The following PRKCE variants were observed in gnomAD, a reference collection of about 807,000 sequenced individuals.
PRKCE encodes the protein protein kinase C epsilon type.
A neutral mutation model predicts 85.4 loss-of-function variants in PRKCE; 16 were observed. That is an observed-to-expected ratio of 0.19 (90% CI 0.13 to 0.28). The LOEUF (loss-of-function observed/expected upper bound fraction) is 0.28, where lower values mean the gene tolerates loss of function less well. Among genes scored for constraint, PRKCE ranks in the 10% least tolerant of loss-of-function variants. The pLI is 1.00. For missense variants in PRKCE, 573 were observed against 975.2 expected (o/e 0.59, Z 5.49); for synonymous variants, 388 against 371.5 (o/e 1.04, Z -0.51).
intron 2 of PRKCE, among the ~76,000 whole-genome samples, chr2:45,958,259 C>G (rs1201536879): frequency 1.3e-5 from 2 of 150,662 alleles, no homozygotes; most frequent in East Asian, 3.9e-4. Flanking sequence ...CCTGTAATCC[C>G]AGCACTTTGG....
intron 1 of PRKCE, among the ~76,000 whole-genome samples, chr2:45,751,033 T>C (rs1396708415): frequency 6.6e-6 from 1 of 152,162 alleles, no homozygotes; most frequent in East Asian, 1.9e-4. Context: ...TCCCATCCTA[T>C]TCCCCAGGAA....
In PRKCE at chr2:46,068,448, C is replaced by T. The variant is rs1163827897; in HGVS notation, c.1438-17760C>T. Among the ~76,000 whole-genome samples, 2 of 152,104 alleles carry T rather than the reference C, an allele frequency of 1.3e-5. No homozygotes were observed. ...TAATTGATATATCTAATTAATCAGT[C>T]ATTATTTATTGGTGTACCATTAGGT... On this transcript the variant is annotated intron_variant, in intron 10 of 14. Coordinates refer to ENST00000306156, the MANE Select transcript of PRKCE (RefSeq NM_005400.3). The surrounding 1 kb of genome is among the most constrained non-coding windows in gnomAD (Gnocchi z 4.3).
chr2:46,115,203 A>G (rs895490657), intron 11 of PRKCE, among the ~76,000 whole-genome samples: 8 of 152,224 alleles, frequency 5.3e-5, no homozygotes, highest in Non-Finnish European at 1.5e-5. Flanking sequence ...TGTGCAAAGA[A>G]CAGAGGTGCT....
intron 1 of PRKCE, among the ~76,000 whole-genome samples, chr2:45,834,560 C>T (rs1023138238): frequency 2.6e-5 from 4 of 151,824 alleles, no homozygotes; most frequent in Admixed American, 2.0e-4. Flanking sequence ...GAGATAAGGA[C>T]GTATGTGCAG....
At chr2:46,029,168 G>A (rs769990787) in intron 10 of PRKCE, among the ~76,000 whole-genome samples, 1 of 152,094 alleles carries the variant, frequency 6.6e-6, no homozygotes, top group African/African-American at 2.4e-5. Context: ...TACGTATGTT[G>A]ATTAACTTAA....
chr2:45,665,252 A>G (rs1003908881), intron 1 of PRKCE, among the ~76,000 whole-genome samples: 4 of 152,264 alleles, frequency 2.6e-5, no homozygotes, highest in Non-Finnish European at 4.4e-5. Flanking sequence ...TTGCAACCAT[A>G]GAAATCCTTT....
chr2:46,008,730 AGACT>A (rs970783812), intron 9 of PRKCE, among the ~76,000 whole-genome samples: 11 of 152,206 alleles, frequency 7.2e-5, no homozygotes, highest in African/African-American at 2.2e-4. Flanking sequence ...CATTCTTTAG[AGACT>A]GACTAAATAA....
intron 9 of PRKCE, among the ~76,000 whole-genome samples, chr2:46,009,024 A>G (rs1705438679): frequency 6.6e-6 from 1 of 152,232 alleles, no homozygotes; most frequent in Admixed American, 6.5e-5. Flanking sequence ...GATGACTTAC[A>G]TTGGAATACT....
chr2:45,766,429 C>A (rs184872778), intron 1 of PRKCE, among the ~76,000 whole-genome samples: 7 of 152,176 alleles, frequency 4.6e-5, no homozygotes, highest in African/African-American at 1.7e-4. Context: ...TGGTTCTACT[C>A]TCTTCTTTTT....
chr2:45,661,032 C>T (rs1273071143), intron 1 of PRKCE, among the ~76,000 whole-genome samples: 3 of 152,186 alleles, frequency 2.0e-5, no homozygotes, highest in Non-Finnish European at 4.4e-5. Flanking sequence ...GATCTCCTCT[C>T]TCCTCATCCC....
chr2:46,036,624 A>G (rs866092811), intron 10 of PRKCE, among the ~76,000 whole-genome samples: 2 of 152,094 alleles, frequency 1.3e-5, no homozygotes, highest in Admixed American at 6.5e-5. Context: ...AAGGCAGGAC[A>G]TGGCAAGCAC....
intron 1 of PRKCE, among the ~76,000 whole-genome samples, chr2:45,687,296 G>T (rs1006553839): frequency 3.3e-5 from 5 of 151,808 alleles, no homozygotes; most frequent in Non-Finnish European, 7.4e-5. Flanking sequence ...ATGAAAAAAT[G>T]GAATAAAGGT....
chr2:45,759,726 A>G (rs934602864), intron 1 of PRKCE, among the ~76,000 whole-genome samples: 2 of 152,228 alleles, frequency 1.3e-5, no homozygotes, highest in Admixed American at 6.5e-5. Flanking sequence ...GTAATCTGCT[A>G]AAAGCATTCA....
chr2:45,834,766 C>T (rs971816947), intron 1 of PRKCE, among the ~76,000 whole-genome samples: 2 of 152,174 alleles, frequency 1.3e-5, no homozygotes, highest in Non-Finnish European at 2.9e-5. Flanking sequence ...TTTTAGGACT[C>T]GCATGGTGAT....
chr2:46,184,656 G>T lies in PRKCE; in HGVS notation c.2068-79G>T. ...GCCTGCTTTGGTGACAGGCTGGTCA[G>T]TGCGGTGCCCACTCCCCATGGGGGG... On this transcript the variant is annotated intron_variant, in intron 14 of 14. Coordinates refer to ENST00000306156, the MANE Select transcript of PRKCE (RefSeq NM_005400.3). This position sits in a 1 kb window ranked among gnomAD's most constrained non-coding sequence, Gnocchi z 5.0. 1 of 1,545,402 alleles carries T rather than the reference G, an allele frequency of 6.5e-7. No individual in the cohort carries two copies. The highest frequency in any genetic ancestry group is 8.7e-7 in the Non-Finnish European group (1 of 1,146,780).
At chr2:45,822,390 C>G (rs1447759021) in intron 1 of PRKCE, among the ~76,000 whole-genome samples, 1 of 152,232 alleles carries the variant, frequency 6.6e-6, no homozygotes, top group Non-Finnish European at 1.5e-5. Context: ...TGTGTACCCA[C>G]AAGCAACCCC....
intron 1 of PRKCE, among the ~76,000 whole-genome samples, chr2:45,735,338 C>G (rs925395864): frequency 6.6e-6 from 1 of 152,184 alleles, no homozygotes; most frequent in Non-Finnish European, 1.5e-5. Flanking sequence ...AAATATATCT[C>G]GGAACTGTTT....
chr2:45,687,887 T>C (rs2104014937), intron 1 of PRKCE, among the ~76,000 whole-genome samples: 1 of 152,258 alleles, frequency 6.6e-6, no homozygotes, highest in East Asian at 1.9e-4. Context: ...CGCTTGCTTT[T>C]GTGCTCTGTT....
At chr2:46,021,058 T>TGA (rs946556464) in intron 10 of PRKCE, among the ~76,000 whole-genome samples, 1 of 149,572 alleles carries the variant, frequency 6.7e-6, no homozygotes, top group African/African-American at 2.5e-5. Context: ...CTCCTGGGGG[T>TGA]GAGAAGGGCC....
Sources: gnomAD v4.1 joint callset for allele counts (sites outside exome capture counted in the v4.1 genomes callset) on GRCh38, gnomAD v4.1.1 for gene constraint, Gnocchi (gnomAD v3.1) non-coding constraint, MANE v1.5 for transcripts, NCBI Gene and HGNC (gene_info 2026-07-23, HGNC 2026-07-21) for gene names.